CSMD1: variants seen among roughly 807,000 people sequenced by gnomAD.
CSMD1 encodes the protein CUB and Sushi multiple domains 1, also known as CUB and sushi domain-containing protein 1.
A neutral mutation model predicts 417.5 loss-of-function variants in CSMD1; 213 were observed. The ratio of observed to expected loss-of-function variants is 0.51; its 90% CI spans 0.46 to 0.57. CSMD1 has a LOEUF of 0.57. CSMD1 is among the 20% of genes least tolerant of loss of function. CSMD1 has a pLI of 0.00. For synonymous variants in CSMD1, 2,862 were observed against 1,736.8 expected, an observed-to-expected ratio of 1.65 and a Z score of -16.11; for missense variants, 6,923 against 4,529.7, an observed-to-expected ratio of 1.53 and a Z score of -15.17.
At chr8:4,841,137 A>T (rs541522230) in intron 1 of CSMD1, among the ~76,000 whole-genome samples, 1 of 152,346 alleles carries the variant, frequency 6.6e-6, no homozygotes, top group South Asian at 2.1e-4. Context: ...AATCTTTATT[A>T]CTGAATGCAT....
At chr8:3,115,564 A>G (rs1772143590) in intron 42 of CSMD1, among the ~76,000 whole-genome samples, 1 of 152,204 alleles carries the variant, frequency 6.6e-6, no homozygotes, top group South Asian at 2.1e-4. Flanking sequence ...TTACTGACAG[A>G]AAAATAATGT....
At position 4,890,741 on chromosome 8, in the gene CSMD1, T is replaced by C. The variant is rs1045807476; in HGVS notation, c.85+103591A>G. On this transcript the variant is annotated intron_variant, in intron 1 of 69. Coordinates refer to ENST00000635120, the MANE Select transcript of CSMD1 (RefSeq NM_033225.6). Reference sequence around the variant, plus strand: ...TCGCTGCAAAAGTAATTGCGGTGTTTGCAATTGAAAGTCATGGAAGAAAGC... The same window carrying C: ...TCGCTGCAAAAGTAATTGCGGTGTTCGCAATTGAAAGTCATGGAAGAAAGC... Among the ~76,000 whole-genome samples the C allele has an allele frequency of 1.3e-5, 2 of 152,140 alleles. 1 individual carries two copies. The highest frequency in any genetic ancestry group is 4.8e-5 in the African/African-American group (2 of 41,400).
At chr8:4,155,723 A>G (rs1796800276) in intron 3 of CSMD1, among the ~76,000 whole-genome samples, 1 of 152,166 alleles carries the variant, frequency 6.6e-6, no homozygotes. Flanking sequence ...AAATCACAAC[A>G]GAAACATTCC....
intron 23 of CSMD1, among the ~76,000 whole-genome samples, chr8:3,331,382 A>C (rs1471222374): frequency 1.3e-5 from 2 of 152,252 alleles, no homozygotes; most frequent in Non-Finnish European, 2.9e-5. Flanking sequence ...GTTTGCTAAC[A>C]GTGGCCATGA....
In CSMD1 at chr8:4,994,380, G is replaced by A. The variant is rs1357270497; in HGVS notation, c.37C>T (p.Leu13Phe). 6.2e-7 allele frequency: 1 copy of A among 1,612,272 alleles called. No individual in the cohort carries two copies. Among genetic ancestry groups the A allele is most frequent in the African/African-American group, 1.3e-5 (1 of 75,038 alleles). Residue 13 changes from leucine (L) to phenylalanine (F), a missense_variant, in exon 1 of 70, where the codon CTT becomes TTT. Physicochemically the swap from Leu to Phe is conservative, Grantham distance 22. Transcript: ENST00000635120. Reference protein sequence around the residue: ...AWRRFQSLLLLLGLLVLCARL... With the variant: ...AWRRFQSLLLFLGLLVLCARL... Reference sequence around the variant, plus strand: ...GCGCACAGCACCAGCAGCCCGAGAAGCAGGAGCAGCGACTGGAATCTCCTC... The same window carrying A: ...GCGCACAGCACCAGCAGCCCGAGAAACAGGAGCAGCGACTGGAATCTCCTC...
At chr8:3,208,050 A>G (rs1225436987) in intron 30 of CSMD1, among the ~76,000 whole-genome samples, 2 of 152,152 alleles carry the variant, frequency 1.3e-5, no homozygotes, top group Non-Finnish European at 2.9e-5. Flanking sequence ...CCTTTTCCTC[A>G]AAAGCTTCAA....
chr8:4,196,361 T>C (rs1585002844), intron 3 of CSMD1, among the ~76,000 whole-genome samples: 1 of 152,308 alleles, frequency 6.6e-6, no homozygotes, highest in South Asian at 2.1e-4. Context: ...AGTCTTACTT[T>C]TAGTTCTGTA....
At chr8:3,384,084 T>C (rs1197015921) in intron 18 of CSMD1, among the ~76,000 whole-genome samples, 1 of 151,998 alleles carries the variant, frequency 6.6e-6, no homozygotes, top group Non-Finnish European at 1.5e-5. Flanking sequence ...AAGTGTGGAG[T>C]CCTGGAAAAG....
At chr8:3,755,467 T>C (rs73188913) in intron 5 of CSMD1, among the ~76,000 whole-genome samples, 18,389 of 152,170 alleles carry the variant, frequency 0.12, 1,185 homozygotes, top group Middle Eastern at 0.16. Flanking sequence ...TTAGTGTAGA[T>C]AATCTGTAAG....
intron 2 of CSMD1, among the ~76,000 whole-genome samples, chr8:4,459,929 C>T (rs146896236): frequency 3.5e-3 from 526 of 152,290 alleles, no homozygotes; most frequent in Middle Eastern, 0.014. Context: ...ACAATAATGA[C>T]TGTTCTACTC....
At chr8:4,768,670 G>A (rs553455900) in intron 1 of CSMD1, among the ~76,000 whole-genome samples, 4 of 152,256 alleles carry the variant, frequency 2.6e-5, no homozygotes, top group East Asian at 1.9e-4. Flanking sequence ...CAGATGGGAG[G>A]GAAAGGTGTT....
chr8:3,289,902 A>G (rs1240691575), intron 25 of CSMD1, among the ~76,000 whole-genome samples: 1 of 147,526 alleles, frequency 6.8e-6, no homozygotes, highest in South Asian at 2.1e-4. Context: ...GTCCTTACCC[A>G]TGCCTGTGTC....
intron 52 of CSMD1, among the ~76,000 whole-genome samples, chr8:3,015,566 A>G (rs1461787914): frequency 6.6e-6 from 1 of 151,714 alleles, no homozygotes; most frequent in East Asian, 1.9e-4. Context: ...AATAGTAAAC[A>G]AAAAAAAGGA....
At chr8:3,160,575 G>A (rs1407315062) in intron 38 of CSMD1, among the ~76,000 whole-genome samples, 2 of 152,152 alleles carry the variant, frequency 1.3e-5, no homozygotes, top group Non-Finnish European at 2.9e-5. Flanking sequence ...AGAGACTCTC[G>A]CTCTGCCTCC....
Position 4,185,408 on chromosome 8 carries a change from C to T in CSMD1, c.416-153309G>A, listed in dbSNP as rs76177884. On this transcript the variant is annotated intron_variant, in intron 3 of 69. Coordinates refer to ENST00000635120, the MANE Select transcript of CSMD1 (RefSeq NM_033225.6). ...AAGTACCCAGAATAGTACCCCTAAG[C>T]AATAAACATACACGTGTGAGCTTGA... 5.7e-3 allele frequency among the ~76,000 whole-genome samples: 872 copies of T among 152,134 alleles called. 11 individuals carry two copies. Among genetic ancestry groups the T allele is most frequent in the African/African-American group, 0.02 (840 of 41,490 alleles).
Position 4,677,980 on chromosome 8 carries a change from T to C in CSMD1, c.86-40422A>G, listed in dbSNP as rs145390587. Among the ~76,000 whole-genome samples, 362 of 152,328 alleles carry C rather than the reference T, an allele frequency of 2.4e-3. 13 individuals carry two copies. In the South Asian group the frequency reaches 0.056, roughly 24 times the overall value. On this transcript the variant is annotated intron_variant, in intron 1 of 69. Coordinates refer to ENST00000635120, the MANE Select transcript of CSMD1 (RefSeq NM_033225.6). Reference sequence around the variant, plus strand: ...AAATAGACATAAAGCCTGCCTTCCATGGTTTGATGTCAGAGACAGTGATAA... The same window carrying C: ...AAATAGACATAAAGCCTGCCTTCCACGGTTTGATGTCAGAGACAGTGATAA...
intron 3 of CSMD1, among the ~76,000 whole-genome samples, chr8:4,233,384 T>C (rs780681965): frequency 1.3e-5 from 2 of 152,172 alleles, no homozygotes; most frequent in Non-Finnish European, 2.9e-5. Flanking sequence ...AGTACTATGT[T>C]CTGAAAGTGT....
chr8:4,152,386 T>A (rs997755041), intron 3 of CSMD1, among the ~76,000 whole-genome samples: 2 of 152,144 alleles, frequency 1.3e-5, no homozygotes, highest in African/African-American at 2.4e-5. Flanking sequence ...GTTTTTAAAA[T>A]CCCTTACTTA....
intron 3 of CSMD1, among the ~76,000 whole-genome samples, chr8:4,110,957 C>A (rs948003037): frequency 1.3e-5 from 2 of 152,112 alleles, no homozygotes; most frequent in Non-Finnish European, 2.9e-5. Flanking sequence ...ATAAGTATTA[C>A]AGTTTCTTTC....
Sources: gnomAD v4.1 joint callset for allele counts (sites outside exome capture counted in the v4.1 genomes callset) on GRCh38, gnomAD v4.1.1 for gene constraint, MANE v1.5 for transcripts, NCBI Gene and HGNC (gene_info 2026-07-23, HGNC 2026-07-21) for gene names.